Variants in FIBCD1 observed in about 807,000 individuals in gnomAD.
FIBCD1 encodes fibrinogen C domain containing 1.
FIBCD1 carries 47 observed loss-of-function variants against 45.1 expected under a neutral mutation model. The observed-to-expected ratio is 1.04, with a 90% CI of 0.82 to 1.33. The LOEUF (loss-of-function observed/expected upper bound fraction) is 1.33. Among genes scored for constraint, FIBCD1 ranks in the 40% most tolerant of loss-of-function variants. The pLI is 0.00. For missense variants in FIBCD1, 653 were observed against 682.2 expected (o/e 0.96, Z 0.48); for synonymous variants, 313 against 308.1 (o/e 1.02, Z -0.17).
intron 2 of FIBCD1, 29 bp from the exon 3 acceptor site, chr9:130,924,425 G>A (rs1265832676): frequency 6.3e-7 from 1 of 1,584,200 alleles, no homozygotes; most frequent in Non-Finnish European, 8.6e-7. Flanking sequence ...GAGCCGAGGG[G>A]GCAGGGGCTC....
At chr9:130,925,264 C>T (rs1231509666) in intron 2 of FIBCD1, among the ~76,000 whole-genome samples, 3 of 152,272 alleles carry the variant, frequency 2.0e-5, no homozygotes, top group South Asian at 2.1e-4. Flanking sequence ...ACTGAGGCCC[C>T]GAAAGAGCAA....
At chr9:130,932,646 A>G (rs1387347203) in intron 1 of FIBCD1, among the ~76,000 whole-genome samples, 1 of 150,180 alleles carries the variant, frequency 6.7e-6, no homozygotes, top group East Asian at 2.0e-4. Flanking sequence ...GACTGTTTCT[A>G]CTCCACTCCC....
chr9:130,938,650 T>C lies in FIBCD1; in HGVS notation c.-43A>G. 2 of 1,362,034 alleles carry C rather than the reference T, an allele frequency of 1.5e-6. No homozygotes were observed. The highest frequency in any genetic ancestry group is 1.9e-6 in the Non-Finnish European group (2 of 1,047,752). 84.4% of individuals were successfully genotyped at this position (1,362,034 alleles called of 1,614,324 possible). A position where few individuals can be genotyped will look rare whatever the true frequency, so the allele number is the denominator to read the frequency against. ...GGGGGCGCCGGGCGAGGCGCGCCGC[T>C]GCGGAGCGCAAAGGAGACGGGGTGG... On this transcript the variant is annotated 5_prime_UTR_variant, in exon 1 of 7. Coordinates refer to ENST00000372338, the MANE Select transcript of FIBCD1 (RefSeq NM_032843.5).
At chr9:130,921,917 C>G (rs1402152606) in intron 4 of FIBCD1, among the ~76,000 whole-genome samples, 1 of 152,228 alleles carries the variant, frequency 6.6e-6, no homozygotes, top group Non-Finnish European at 1.5e-5. Flanking sequence ...TGTGGGGATT[C>G]TCATCTGCGC....
At chr9:130,916,104 T>C (rs1300661019) in intron 4 of FIBCD1, among the ~76,000 whole-genome samples, 1 of 152,198 alleles carries the variant, frequency 6.6e-6, no homozygotes, top group African/African-American at 2.4e-5. Context: ...AAGTTTTTTG[T>C]ATTTTTAGTA....
At chr9:130,920,917 T>C (rs1293938090) in intron 4 of FIBCD1, among the ~76,000 whole-genome samples, 1 of 152,226 alleles carries the variant, frequency 6.6e-6, no homozygotes, top group Non-Finnish European at 1.5e-5. Context: ...CCCGGCTTGC[T>C]TTAGGCATTC....
At chr9:130,917,703 G>C (rs961120026) in intron 4 of FIBCD1, among the ~76,000 whole-genome samples, 5 of 152,184 alleles carry the variant, frequency 3.3e-5, no homozygotes, top group Admixed American at 1.3e-4. Context: ...GGGCTCTGTG[G>C]TCACCCTAGC....
chr9:130,940,360 GGCCC>G (rs1391324459), upstream of FIBCD1, among the ~76,000 whole-genome samples: 23 of 152,260 alleles, frequency 1.5e-4, no homozygotes, highest in African/African-American at 4.3e-4. Flanking sequence ...CCTCACCTAC[GGCCC>G]GATCCCGGCT....
chr9:130,915,196 A>T (rs1293062294), intron 4 of FIBCD1, among the ~76,000 whole-genome samples: 1 of 152,246 alleles, frequency 6.6e-6, no homozygotes, highest in East Asian at 1.9e-4. Context: ...TGGTCCCTGC[A>T]CCCACAGTCC....
At chr9:130,915,898 CCAGACTT>C (rs1332469991) in intron 4 of FIBCD1, among the ~76,000 whole-genome samples, 1 of 152,192 alleles carries the variant, frequency 6.6e-6, no homozygotes, top group East Asian at 1.9e-4. Flanking sequence ...CATCCAGACT[CCAGACTT>C]AGCTTAATGC....
intron 4 of FIBCD1, among the ~76,000 whole-genome samples, chr9:130,914,379 G>T (rs1832119165): frequency 6.6e-6 from 1 of 152,350 alleles, no homozygotes; most frequent in South Asian, 2.1e-4. Flanking sequence ...GGAGACACCC[G>T]TGCTCAGGGG....
chr9:130,904,624 C>T lies in FIBCD1; in HGVS notation c.1127-301G>A, dbSNP rs767276717. 3.2e-4 allele frequency among the ~76,000 whole-genome samples: 48 copies of T among 151,438 alleles called. 1 individual carries two copies. The highest frequency in any genetic ancestry group is 3.4e-3 in the Middle Eastern group (1 of 294). ...TTCCACATTCCCTCTCCTGCCTCCC[C>T]GCTCCTCGGCCTGAGAGGGGAAACC... On this transcript the variant is annotated intron_variant, in intron 6 of 6. Coordinates refer to ENST00000372338, the MANE Select transcript of FIBCD1 (RefSeq NM_032843.5).
chr9:130,906,128 C>G (rs563111850), intron 5 of FIBCD1, among the ~76,000 whole-genome samples: 1 of 152,028 alleles, frequency 6.6e-6, no homozygotes, highest in African/African-American at 2.4e-5. Flanking sequence ...CCCTCTAGGC[C>G]GGCTCTGTGC....
At chr9:130,924,010 T>C in intron 3 of FIBCD1, 130 bp from the exon 4 acceptor site, 1 of 1,432,690 alleles carries the variant, frequency 7.0e-7, no homozygotes. Context: ...GGCCTTGGAG[T>C]CCGACCTTGG....
At chr9:130,916,803 A>G (rs1266590829) in intron 4 of FIBCD1, among the ~76,000 whole-genome samples, 2 of 151,976 alleles carry the variant, frequency 1.3e-5, no homozygotes, top group Non-Finnish European at 2.9e-5. Context: ...CACTAGGCAA[A>G]AAGGGGTGGG....
chr9:130,912,135 C>T (rs1316984575), intron 4 of FIBCD1, among the ~76,000 whole-genome samples: 1 of 152,064 alleles, frequency 6.6e-6, no homozygotes, highest in East Asian at 1.9e-4. Flanking sequence ...CCCAAGACGG[C>T]TCCTCAGGGA....
At chr9:130,913,697 T>C (rs1393888907) in intron 4 of FIBCD1, among the ~76,000 whole-genome samples, 1 of 152,034 alleles carries the variant, frequency 6.6e-6, no homozygotes, top group Admixed American at 6.5e-5. Flanking sequence ...GATGGCCGCA[T>C]ATTGGGACCC....
chr9:130,921,986 C>T (rs1881104), intron 4 of FIBCD1, among the ~76,000 whole-genome samples: 1,728 of 152,308 alleles, frequency 0.011, 34 homozygotes, highest in African/African-American at 0.039. Context: ...CTCCACCGGC[C>T]GCCTGTGCGG....
chr9:130,928,665 G>A lies in FIBCD1; in HGVS notation c.552+902C>T, dbSNP rs117762005. Among the ~76,000 whole-genome samples, 223 of 152,334 alleles carry A rather than the reference G, an allele frequency of 1.5e-3. 1 individual carries two copies. In the East Asian group the frequency reaches 0.032, roughly 22 times the overall value. On this transcript the variant is annotated intron_variant, in intron 2 of 6. Transcript: ENST00000372338. ...CAGTGGCTGCTGGGGGCGGTGGGGCGGAAGGGGCTTGGGCGCCCGTGGGGG... is the reference window on the plus strand; with the variant it reads ...CAGTGGCTGCTGGGGGCGGTGGGGCAGAAGGGGCTTGGGCGCCCGTGGGGG...
Sources: allele counts gnomAD v4.1 joint callset (sites outside exome capture counted in the v4.1 genomes callset), GRCh38; gene constraint gnomAD v4.1.1; transcripts MANE v1.5; gene names NCBI Gene and HGNC (gene_info 2026-07-23, HGNC 2026-07-21).